The following DMD variants were observed in gnomAD, a reference collection of about 807,000 sequenced individuals.
The protein encoded by DMD is mutant dystrophin.
In DMD, 63 loss-of-function variants were observed where a neutral mutation model predicts 330.1. The ratio of observed to expected loss-of-function variants is 0.19; its 90% confidence interval spans 0.16 to 0.24. The LOEUF is 0.24. Ranked by LOEUF, DMD falls within the 10% of genes least tolerant of loss-of-function variation. The pLI, the probability that DMD is intolerant of heterozygous loss-of-function variation, is 1.00. For synonymous variants in DMD, 1,223 were observed against 959.8 expected (o/e 1.27, Z -5.07); for missense variants, 3,344 against 2,684.1 (o/e 1.25, Z -5.43).
chrX:32,430,350 T>A (rs2098233078), intron 29 of DMD, among the ~76,000 whole-genome samples: 1 of 111,753 alleles, frequency 8.9e-6, no homozygotes, highest in Non-Finnish European at 1.9e-5. Flanking sequence ...TCACTGGCTC[T>A]TGGAAACTTT....
chrX:33,320,778 T>C (rs2054003867), intron 1 of DMD, among the ~76,000 whole-genome samples: 1 of 112,745 alleles, frequency 8.9e-6, no homozygotes, highest in Non-Finnish European at 1.9e-5. Flanking sequence ...CTTTCAAAAT[T>C]GGAGTCAGTC....
intron 54 of DMD, among the ~76,000 whole-genome samples, chrX:31,630,264 C>A (rs1335149845): frequency 8.9e-6 from 1 of 112,010 alleles, no homozygotes; most frequent in African/African-American, 3.2e-5. Flanking sequence ...AACAGTAACT[C>A]TTTCAGGACA....
At chrX:32,651,823 A>G (rs753705352) in intron 9 of DMD, among the ~76,000 whole-genome samples, 3 of 112,527 alleles carry the variant, frequency 2.7e-5, no homozygotes, top group Non-Finnish European at 5.6e-5. Context: ...AAAAACATAA[A>G]CAGAAAAAGA....
At chrX:33,005,853 T>C (rs1453766358) in intron 2 of DMD, among the ~76,000 whole-genome samples, 2 of 110,776 alleles carry the variant, frequency 1.8e-5, no homozygotes, top group Admixed American at 1.9e-4. Context: ...ATGTAGAAAA[T>C]CTGAAAGAAT....
chrX:32,950,552 C>G (rs766443553), intron 2 of DMD, among the ~76,000 whole-genome samples: 2 of 110,998 alleles, frequency 1.8e-5, no homozygotes, highest in East Asian at 5.7e-4. Flanking sequence ...TCGGGAACAC[C>G]ATAGCAGAGA....
chrX:32,738,694 C>T (rs777085511), intron 7 of DMD, among the ~76,000 whole-genome samples: 3 of 93,758 alleles, frequency 3.2e-5, no homozygotes, highest in Non-Finnish European at 5.7e-5. Context: ...ACTTGTCACC[C>T]GTCTGCAGAA....
chrX:32,353,633 T>G lies in DMD; in HGVS notation c.5326-5105A>C, dbSNP rs773537317. Among the ~76,000 whole-genome samples, 4 of 111,173 alleles carry G rather than the reference T, an allele frequency of 3.6e-5. No homozygotes were observed. The South Asian group carries it at 1.5e-3, about 41-fold the overall frequency. On this transcript the variant is annotated intron_variant, in intron 37 of 78. Coordinates refer to ENST00000357033, the MANE Select transcript of DMD (RefSeq NM_004006.3). ...TATATAGAAAATAATCAAACAAAAG[T>G]TATAATATTGCATGAGAAAGTGTAT...
chrX:32,911,797 C>G (rs2087269892), intron 2 of DMD, among the ~76,000 whole-genome samples: 1 of 111,463 alleles, frequency 9.0e-6, no homozygotes, highest in African/African-American at 3.3e-5. Context: ...TTGGCATAAT[C>G]TTGGAAACTT....
intron 50 of DMD, among the ~76,000 whole-genome samples, chrX:31,799,507 G>A (rs1444190377): frequency 9.0e-6 from 1 of 111,196 alleles, no homozygotes; most frequent in African/African-American, 3.3e-5. Flanking sequence ...ACCTCTCACT[G>A]GGTCCCTCCC....
chrX:31,203,875 A>G lies in DMD; in HGVS notation c.9807+86T>C, dbSNP rs2043779461. The G allele has an allele frequency of 1.0e-5, 9 of 859,119 alleles. No homozygotes were observed. The Admixed American group carries it at 2.1e-4, about 20-fold the overall frequency. The allele number at this position is 859,119 out of a possible 1,213,427, so 70.8% of individuals were successfully genotyped here. On this transcript the variant is annotated intron_variant, in intron 67 of 78. Transcript: ENST00000357033. ...ACCTACTGCCTACTGAAGAGCTAAT[A>G]TGAGAAAACGAAGCTCTGTGGGTTT...
intron 1 of DMD, among the ~76,000 whole-genome samples, chrX:33,127,199 CTAAAGA>C (rs1440136679): frequency 2.8e-3 from 309 of 110,296 alleles, no homozygotes; most frequent in African/African-American, 9.3e-3. Flanking sequence ...AGCTGTCTTC[CTAAAGA>C]TAGAGAAAAC....
chrX:32,762,414 A>G (rs1382874852), intron 7 of DMD, among the ~76,000 whole-genome samples: 2 of 111,800 alleles, frequency 1.8e-5, no homozygotes, highest in African/African-American at 6.5e-5. Flanking sequence ...AAGCCAACGG[A>G]CAAAGTCCTT....
intron 11 of DMD, among the ~76,000 whole-genome samples, chrX:32,617,416 G>A (rs967320543): frequency 3.6e-5 from 4 of 111,355 alleles, no homozygotes. Flanking sequence ...TAATGCATTT[G>A]CATTCAACTG....
chrX:32,227,997 T>G (rs181611563), intron 43 of DMD, among the ~76,000 whole-genome samples: 57 of 111,231 alleles, frequency 5.1e-4, no homozygotes, highest in African/African-American at 1.8e-3. Context: ...TACTTTAATA[T>G]GTATATAAGT....
intron 44 of DMD, among the ~76,000 whole-genome samples, chrX:32,115,031 T>A (rs1442282591): frequency 8.9e-6 from 1 of 112,317 alleles, no homozygotes; most frequent in Admixed American, 9.4e-5. Flanking sequence ...TTTGATTCTA[T>A]CATGAAGGAC....
rs1444004467 is a variant in DMD at position 31,728,149 on chromosome X, A to C, written c.7660+1482T>G. Among the ~76,000 whole-genome samples, 7 of 111,685 alleles carry C rather than the reference A, an allele frequency of 6.3e-5. No individual in the cohort carries two copies. In the East Asian group the frequency reaches 1.7e-3, roughly 27 times the overall value. On this transcript the variant is annotated intron_variant, in intron 52 of 78. Coordinates refer to ENST00000357033, the MANE Select transcript of DMD (RefSeq NM_004006.3). ...GCCATTCTCCTGCCTCAGCCTCCCA[A>C]GTAGCTGGGACTACAGGCGCCCGCC... is the stretch of plus-strand genomic sequence containing the variant.
At chrX:33,312,101 T>C (rs111747408) in intron 1 of DMD, among the ~76,000 whole-genome samples, 404 of 110,504 alleles carry the variant, frequency 3.7e-3, no homozygotes, top group African/African-American at 0.013. Flanking sequence ...ATGACATTCC[T>C]TGTACTGGTG....
intron 1 of DMD, among the ~76,000 whole-genome samples, chrX:33,106,681 A>G (rs1190414261): frequency 8.9e-6 from 1 of 112,060 alleles, no homozygotes; most frequent in African/African-American, 3.2e-5. Context: ...CACTGTCTTC[A>G]ATAAGCTTCC....
rs1006739024 is a variant in DMD, at chrX:32,928,159, C to T, written c.94-78339G>A. Among the ~76,000 whole-genome samples the T allele has an allele frequency of 3.6e-5, 4 of 110,578 alleles. No homozygotes were observed. In the South Asian group the frequency reaches 1.1e-3, roughly 32 times the overall value. On this transcript the variant is annotated intron_variant, in intron 2 of 78. Coordinates refer to ENST00000357033, the MANE Select transcript of DMD (RefSeq NM_004006.3). ...GAAATGCTGGCATGTTTTTTAGTCTCGCATTTCATGAAATGACTTTATTCG... is the reference window on the plus strand; with the variant it reads ...GAAATGCTGGCATGTTTTTTAGTCTTGCATTTCATGAAATGACTTTATTCG...
Sources: allele counts gnomAD v4.1 joint callset (sites outside exome capture counted in the v4.1 genomes callset), GRCh38; gene constraint gnomAD v4.1.1; transcripts MANE v1.5; gene names NCBI Gene and HGNC (gene_info 2026-07-23, HGNC 2026-07-21).